The following STPG2 variants were observed in gnomAD, a reference collection of about 807,000 sequenced individuals.
The protein encoded by STPG2 is sperm tail PG-rich repeat containing 2.
STPG2 carries 56 observed loss-of-function variants against 54.2 expected under a neutral mutation model. The observed-to-expected ratio is 1.03, with a 90% CI of 0.83 to 1.29. The LOEUF (loss-of-function observed/expected upper bound fraction) is 1.29, where lower values mean the gene tolerates loss of function less well. Among genes scored for constraint, STPG2 ranks in the 50% most tolerant of loss-of-function variants. The probability of loss-of-function intolerance (pLI) is 0.00; values close to 1 mark genes in which losing one functional copy is unlikely to be tolerated. For missense variants in STPG2, 596 were observed against 544.9 expected, an observed-to-expected ratio of 1.09 and a Z score of -0.93; for synonymous variants, 200 against 181.8, an observed-to-expected ratio of 1.10 and a Z score of -0.81.
At chr4:98,087,892 G>T (rs1738571617) in intron 5 of STPG2, among the ~76,000 whole-genome samples, 1 of 152,062 alleles carries the variant, frequency 6.6e-6, no homozygotes, top group South Asian at 2.1e-4. Flanking sequence ...CTTGTGTTTG[G>T]GATTTAAAAT....
At chr4:98,125,456 AC>A (rs1739802873) in intron 3 of STPG2, among the ~76,000 whole-genome samples, 1 of 152,068 alleles carries the variant, frequency 6.6e-6, no homozygotes, top group African/African-American at 2.4e-5. Context: ...CTGGGGGTCC[AC>A]ACCCTATTTG....
At chr4:97,444,736 A>G (rs559854111) in intron 4 of STPG2, among the ~76,000 whole-genome samples, 1 of 152,274 alleles carries the variant, frequency 6.6e-6, no homozygotes, top group African/African-American at 2.4e-5. Context: ...CAAAATAAAA[A>G]TAACTTAAGT....
intron 10 of STPG2, among the ~76,000 whole-genome samples, chr4:97,689,174 G>T (rs750108749): frequency 6.6e-6 from 1 of 151,974 alleles, no homozygotes; most frequent in African/African-American, 2.4e-5. Context: ...AGCACTTAAG[G>T]TTTTAAAAGA....
downstream of STPG2, among the ~76,000 whole-genome samples, chr4:97,557,578 CA>C (rs1732110236): frequency 6.6e-6 from 1 of 151,866 alleles, no homozygotes; most frequent in South Asian, 2.1e-4. Flanking sequence ...CTCATCTGGC[CA>C]AAATGAATGG....
intron 9 of STPG2, among the ~76,000 whole-genome samples, chr4:97,714,839 A>G (rs757368825): frequency 7.9e-5 from 12 of 152,184 alleles, no homozygotes; most frequent in Non-Finnish European, 7.4e-5. Context: ...ATAAAGGTTA[A>G]TGCAACAGGT....
intron 8 of STPG2, among the ~76,000 whole-genome samples, chr4:97,877,675 A>G (rs764927454): frequency 6.6e-6 from 1 of 152,126 alleles, no homozygotes; most frequent in Non-Finnish European, 1.5e-5. Flanking sequence ...TCCCTCCCAC[A>G]ACATGGGGGA....
intron 10 of STPG2, among the ~76,000 whole-genome samples, chr4:97,687,790 T>C (rs1011350076): frequency 6.6e-6 from 1 of 152,098 alleles, no homozygotes; most frequent in Non-Finnish European, 1.5e-5. Flanking sequence ...AATTTATATA[T>C]AACATAAAAG....
intron 2 of STPG2, among the ~76,000 whole-genome samples, chr4:98,131,655 T>C (rs1234888555): frequency 6.6e-6 from 1 of 152,170 alleles, no homozygotes; most frequent in East Asian, 1.9e-4. Flanking sequence ...ATCTGCTCAA[T>C]AATAGCATTT....
intron 10 of STPG2, among the ~76,000 whole-genome samples, chr4:97,634,614 A>C (rs1371035593): frequency 6.6e-6 from 1 of 151,118 alleles, no homozygotes; most frequent in Non-Finnish European, 1.5e-5. Flanking sequence ...AGAATGTATA[A>C]CTAGAATAAC....
chr4:98,059,533 C>T (rs903512754), intron 5 of STPG2, among the ~76,000 whole-genome samples: 2 of 151,828 alleles, frequency 1.3e-5, no homozygotes, highest in Non-Finnish European at 2.9e-5. Context: ...AGGAAAGACT[C>T]CTCCCCCAAA....
intron 5 of STPG2, among the ~76,000 whole-genome samples, chr4:98,036,420 A>G (rs1380969288): frequency 6.6e-6 from 1 of 152,116 alleles, no homozygotes; most frequent in Non-Finnish European, 1.5e-5. Context: ...TGACCATCAA[A>G]GATAGACTAG....
chr4:98,113,844 T>C (rs1002555639), intron 3 of STPG2, among the ~76,000 whole-genome samples: 2 of 152,018 alleles, frequency 1.3e-5, no homozygotes, highest in Admixed American at 6.6e-5. Context: ...TACTTTGGAA[T>C]TCCTAAGTAT....
intron 10 of STPG2, among the ~76,000 whole-genome samples, chr4:97,680,461 A>AT (rs2148978395): frequency 1.3e-5 from 2 of 152,142 alleles, no homozygotes; most frequent in South Asian, 4.1e-4. Context: ...AATGCTTGTG[A>AT]TTTTTGTACA....
intron 10 of STPG2, among the ~76,000 whole-genome samples, chr4:97,687,988 A>G (rs1167114490): frequency 1.3e-5 from 2 of 152,132 alleles, no homozygotes; most frequent in Non-Finnish European, 2.9e-5. Flanking sequence ...AAATGTATAT[A>G]ACCGAGAAGT....
At chr4:97,763,160 C>T (rs1237749488) in intron 9 of STPG2, among the ~76,000 whole-genome samples, 1 of 152,066 alleles carries the variant, frequency 6.6e-6, no homozygotes, top group African/African-American at 2.4e-5. Flanking sequence ...CATATAATTA[C>T]CTGGTGCATA....
At chr4:97,958,187 C>T (rs868606127) in intron 7 of STPG2, among the ~76,000 whole-genome samples, 64 of 151,846 alleles carry the variant, frequency 4.2e-4, no homozygotes, top group Middle Eastern at 3.4e-3. Context: ...GTGAGTGCCT[C>T]TAATCCCAGC....
intron 10 of STPG2, among the ~76,000 whole-genome samples, chr4:97,675,490 C>A (rs1560713418): frequency 6.6e-6 from 1 of 152,154 alleles, no homozygotes; most frequent in Admixed American, 6.6e-5. Context: ...TATTCCCTAT[C>A]ATACACAGCT....
intron 5 of STPG2, among the ~76,000 whole-genome samples, chr4:98,008,096 A>C (rs1332475849): frequency 6.6e-6 from 1 of 152,174 alleles, no homozygotes; most frequent in Admixed American, 6.5e-5. Context: ...GAAGAGGCCC[A>C]AAGAACACCA....
chr4:97,903,050 T>A (rs1486457090), intron 8 of STPG2, among the ~76,000 whole-genome samples: 2 of 152,174 alleles, frequency 1.3e-5, no homozygotes, highest in Non-Finnish European at 2.9e-5. Context: ...GAAGGATGGT[T>A]ACTAGGAGTC....
Sources: allele counts gnomAD v4.1 joint callset (sites outside exome capture counted in the v4.1 genomes callset), GRCh38; gene constraint gnomAD v4.1.1; transcripts MANE v1.5; gene names NCBI Gene and HGNC (gene_info 2026-07-23, HGNC 2026-07-21).